ANLN: variants seen among roughly 807,000 people sequenced by gnomAD.
The protein encoded by ANLN is anillin, actin binding protein, also known as anillin.
In ANLN, 59 loss-of-function variants were observed where a neutral mutation model predicts 135.1. That is an observed-to-expected ratio of 0.44 (90% CI 0.35 to 0.54). The LOEUF (loss-of-function observed/expected upper bound fraction) is 0.54. Among genes scored for constraint, ANLN ranks in the 20% least tolerant of loss-of-function variants. The pLI is 0.00. For missense variants in ANLN, 1,182 were observed against 1,340.0 expected (o/e 0.88, Z 1.84); for synonymous variants, 406 against 456.4 (o/e 0.89, Z 1.41).
At chr7:36,407,289 A>G (rs938570169) in intron 4 of ANLN, among the ~76,000 whole-genome samples, 1 of 152,172 alleles carries the variant, frequency 6.6e-6, no homozygotes, top group African/African-American at 2.4e-5. Context: ...TAAGAGTCAT[A>G]AAGCACTTAG....
Position 36,396,542 on chromosome 7 carries a change from T to A in ANLN, c.172+123T>A, listed in dbSNP as rs1583590693. The A allele has an allele frequency of 4.4e-6, 4 of 918,638 alleles. No individual in the cohort carries two copies. The East Asian group carries it at 1.1e-4, about 26-fold the overall frequency. The allele number at this position is 918,638 out of a possible 1,614,324, so 56.9% of individuals were successfully genotyped here. ...TTTGGGAGACAAATGTAACAGCCTC[T>A]GGGGGAAATAACAGCCTTCTATTCT... On this transcript the variant is annotated intron_variant, in intron 2 of 23. Coordinates refer to ENST00000265748, the MANE Select transcript of ANLN (RefSeq NM_018685.5).
At chr7:36,390,269 G>C in intron 1 of ANLN, 1 of 662,574 alleles carries the variant, frequency 1.5e-6, no homozygotes, top group Non-Finnish European at 2.5e-6. Context: ...AGGGAGGAAG[G>C]CTTTGAGTCT....
rs1787107655 is a variant in ANLN at position 36,404,519 on chromosome 7, C to G, written c.488-1662C>G. Among the ~76,000 whole-genome samples, 5 of 152,206 alleles carry G rather than the reference C, an allele frequency of 3.3e-5. No individual in the cohort carries two copies. The South Asian group carries it at 8.3e-4, about 25-fold the overall frequency. ...TAGTTTGAGGTACGACAGCAAAACT[C>G]CATGAATTTCTTTTATCTTCCTCAC... On this transcript the variant is annotated intron_variant, in intron 3 of 23. Transcript: ENST00000265748.
At chr7:36,427,114 G>A (rs1392491365) in intron 20 of ANLN, 86 bp downstream of exon 20, 4 of 810,218 alleles carry the variant, frequency 4.9e-6, no homozygotes, top group Non-Finnish European at 7.7e-6. Context: ...AATGCTTTTA[G>A]GTATTTGAAA....
intron 9 of ANLN, among the ~76,000 whole-genome samples, chr7:36,418,147 C>T (rs1195901084): frequency 6.6e-6 from 1 of 152,196 alleles, no homozygotes; most frequent in Non-Finnish European, 1.5e-5. Flanking sequence ...ATTGCCTTCC[C>T]TGGGGCGCCA....
In ANLN at chr7:36,420,601, G is replaced by A. The variant is rs1321808063; in HGVS notation, c.2020G>A (p.Asp674Asn). Residue 674 changes from aspartate (D) to asparagine (N), a missense_variant, in exon 12 of 24, where the codon GAT becomes AAT. Asp to Asn is a conservative substitution (Grantham distance 23). Coordinates refer to ENST00000265748, the MANE Select transcript of ANLN (RefSeq NM_018685.5). ...SEDRDLLYSI[D>N]AYRSQRFKET... ...AGTGTAACTTACCTCTTGAAGCATT[G>A]ATGCATATAGATCTCAAAGATTCAA... 1 of 1,611,478 alleles carries A rather than the reference G, an allele frequency of 6.2e-7. No homozygotes were observed.
rs370612755 is a variant in ANLN at position 36,415,824 on chromosome 7, G to A, written c.1462G>A (p.Val488Ile). 4 of 1,610,376 alleles carry A rather than the reference G, an allele frequency of 2.5e-6. No individual in the cohort carries two copies. In the East Asian group the frequency reaches 9.0e-5, roughly 36 times the overall value. Residue 488 changes from valine to isoleucine, a missense_variant, in exon 8 of 24, where the codon GTA (valine) becomes ATA (isoleucine). By Grantham distance (29) the Val-to-Ile change is conservative (BLOSUM62 3). This residue lies in a region of ANLN where 1,022 missense variants were observed against 1,134.0 expected (regional missense o/e 0.90). Coordinates refer to ENST00000265748, the MANE Select transcript of ANLN (RefSeq NM_018685.5). ...QGVSKTQSLP[V>I]TEKVTENQIP... ...TGTTTCAAAAACTCAGTCACTTCCA[G>A]TAACAGAAAAGGTGACCGAAAACCA...
At position 36,421,937 on chromosome 7, in the gene ANLN, A is replaced by G. The variant is rs1291486509; in HGVS notation, c.2244A>G (p.Glu748=). 1 of 1,613,864 alleles carries G rather than the reference A, an allele frequency of 6.2e-7. No homozygotes were observed. Among genetic ancestry groups the G allele is most frequent in the Non-Finnish European group, 8.5e-7 (1 of 1,179,854 alleles). Residue 748 remains glutamate (E), a synonymous_variant, in exon 13 of 24, where the codon GAA becomes GAG. Transcript: ENST00000265748. Reference sequence around the variant, plus strand: ...CTCTTAACTGCTGTGTTGATGAAGAACATGGAAAAGGGTCCCTAGAAGAAG... The same window carrying G: ...CTCTTAACTGCTGTGTTGATGAAGAGCATGGAAAAGGGTCCCTAGAAGAAG... ...SQALNCCVDE[E]HGKGSLEEAE...
At chr7:36,442,548 C>T (rs1383744307) in intron 21 of ANLN, among the ~76,000 whole-genome samples, 1 of 152,194 alleles carries the variant, frequency 6.6e-6, no homozygotes, top group Non-Finnish European at 1.5e-5. Flanking sequence ...TGATCTACAG[C>T]ATTGTTATGT....
At chr7:36,390,716 G>T (rs1260662746) in intron 1 of ANLN, among the ~76,000 whole-genome samples, 1 of 152,146 alleles carries the variant, frequency 6.6e-6, no homozygotes, top group African/African-American at 2.4e-5. Flanking sequence ...TAAACTTTTC[G>T]GTGTTTCTGG....
At chr7:36,425,799 G>C in intron 18 of ANLN, 59 bp downstream of exon 18, 1 of 1,527,084 alleles carries the variant, frequency 6.5e-7, no homozygotes. Flanking sequence ...TACCCATACA[G>C]TTTTAAATTG....
chr7:36,447,165 C>T (rs1158158689), intron 22 of ANLN, among the ~76,000 whole-genome samples: 1 of 152,170 alleles, frequency 6.6e-6, no homozygotes, highest in Non-Finnish European at 1.5e-5. Flanking sequence ...GGAGATGTGA[C>T]AACGAAACTA....
intron 1 of ANLN, among the ~76,000 whole-genome samples, chr7:36,391,935 T>G: frequency 7.0e-6 from 1 of 142,304 alleles, no homozygotes; most frequent in African/African-American, 2.7e-5. Context: ...GCTGATACTG[T>G]TCTGGCACTC....
At chr7:36,398,952 T>C in intron 2 of ANLN, 127 bp from the exon 3 acceptor site, 1 of 719,274 alleles carries the variant, frequency 1.4e-6, no homozygotes, top group Non-Finnish European at 2.3e-6. Context: ...TACTTCTGGT[T>C]GTAACTAAAA....
rs766865296 is a variant in ANLN, at chr7:36,407,748, A to C, written c.888A>C (p.Pro296=). Residue 296 remains proline (P), a synonymous_variant, in exon 5 of 24, where the codon CCA becomes CCC. Coordinates refer to ENST00000265748, the MANE Select transcript of ANLN (RefSeq NM_018685.5). ...TCATGTTTCAGAAAGCTACTTCTCC[A>C]GTGAAATCTACTACATCTATCACTG... ...SISSSVKATS[P]VKSTTSITDA... The C allele has an allele frequency of 6.4e-7, 1 of 1,571,944 alleles. No homozygotes were observed.
At chr7:36,452,411 A>G (rs1230780563) in intron 23 of ANLN, 66 bp from the exon 24 acceptor site, 6 of 1,578,590 alleles carry the variant, frequency 3.8e-6, no homozygotes, top group East Asian at 2.3e-5. Flanking sequence ...TTCCCTAGCA[A>G]GAGTACATGG....
Position 36,420,628 on chromosome 7 carries a change from G to C in ANLN, c.2047G>C (p.Glu683Gln). Residue 683 changes from glutamate to glutamine, a missense_variant, in exon 12 of 24, where the codon GAA becomes CAA. This residue lies in a region of ANLN where 1,022 missense variants were observed against 1,134.0 expected (regional missense o/e 0.90). Coordinates refer to ENST00000265748, the MANE Select transcript of ANLN (RefSeq NM_018685.5). ...TGCATATAGATCTCAAAGATTCAAA[G>C]AAACAGAACGTCCATCAATAAAGCA... ...IDAYRSQRFK[E>Q]TERPSIKQVI... 6.2e-7 allele frequency: 1 copy of C among 1,613,522 alleles called. No individual in the cohort carries two copies. The highest frequency in any genetic ancestry group is 1.1e-5 in the South Asian group (1 of 91,062).
intron 1 of ANLN, among the ~76,000 whole-genome samples, chr7:36,395,734 G>A (rs1395932779): frequency 1.1e-4 from 17 of 151,952 alleles, no homozygotes; most frequent in Admixed American, 1.1e-3. Flanking sequence ...AATCTTCAGT[G>A]ATCTGGCAGA....
intron 4 of ANLN, 90 bp from the exon 5 acceptor site, chr7:36,407,644 T>A: frequency 1.1e-6 from 1 of 915,368 alleles, no homozygotes; most frequent in African/African-American, 1.6e-5. Context: ...ACATAAAGGC[T>A]ATCAAGTAAA....
Sources: allele counts gnomAD v4.1 joint callset (sites outside exome capture counted in the v4.1 genomes callset), GRCh38; gene constraint gnomAD v4.1.1; regional missense constraint gnomAD v4.1.1; transcripts MANE v1.5; gene names NCBI Gene and HGNC (gene_info 2026-07-23, HGNC 2026-07-21).